The following TFAP2D variants were observed in gnomAD, a reference collection of about 807,000 sequenced individuals.
TFAP2D encodes the protein transcription factor AP-2 delta, also known as transcription factor AP-2-delta.
A neutral mutation model predicts 43.6 loss-of-function variants in TFAP2D; 9 were observed. The observed-to-expected ratio is 0.21, with a 90% CI of 0.12 to 0.36. The LOEUF is 0.36. TFAP2D is among the 10% of genes least tolerant of loss of function. TFAP2D has a pLI of 1.00. For missense variants in TFAP2D, 513 were observed against 561.4 expected (o/e 0.91, Z 0.87); for synonymous variants, 256 against 224.9 (o/e 1.14, Z -1.24).
intron 2 of TFAP2D, 132 bp downstream of exon 2, chr6:50,715,745 TCTCTCACACACACACACACA>T: frequency 5.0e-6 from 3 of 598,470 alleles, no homozygotes; most frequent in Non-Finnish European, 7.9e-6. Context: ...TCTCTCTCTC[TCTCTCACACACACACACACA>T]CACACACACA....
intron 3 of TFAP2D, among the ~76,000 whole-genome samples, chr6:50,723,291 G>T (rs1463272061): frequency 6.6e-6 from 1 of 152,222 alleles, no homozygotes; most frequent in Non-Finnish European, 1.5e-5. Context: ...CCTCAAGGCC[G>T]GCAGCAGGCT....
At chr6:50,723,337 G>C (rs1244642263) in intron 3 of TFAP2D, among the ~76,000 whole-genome samples, 1 of 152,224 alleles carries the variant, frequency 6.6e-6, no homozygotes, top group African/African-American at 2.4e-5. Flanking sequence ...CTGCTTCTCT[G>C]GGTTTCAGGA....
Position 50,715,525 on chromosome 6 carries a change from A to T in TFAP2D, c.449A>T (p.His150Leu). Residue 150 changes from histidine to leucine, a missense_variant, in exon 2 of 8, where the codon CAT becomes CTT. Physicochemically the swap from His to Leu is moderately conservative, Grantham distance 99. This residue lies in a region of TFAP2D where 311 missense variants were observed against 316.2 expected (regional missense o/e 0.98). Transcript: ENST00000008391. ...CGCCATGACCTGTCCCTCATGAGCC[A>T]TGGCTCTCAGTATGGAATGCACCCA... ...YRRHDLSLMS[H>L]GSQYGMHPDQ... The T allele has an allele frequency of 6.2e-7, 1 of 1,612,798 alleles. No individual in the cohort carries two copies. The highest frequency in any genetic ancestry group is 8.5e-7 in the Non-Finnish European group (1 of 1,180,026).
intron 3 of TFAP2D, among the ~76,000 whole-genome samples, chr6:50,726,984 T>C (rs9381890): frequency 0.26 from 39,918 of 152,118 alleles, 5,687 homozygotes; most frequent in East Asian, 0.45. Context: ...GGATTTTAAT[T>C]TGACGATTGA....
chr6:50,714,280 A>T (rs965376977), intron 1 of TFAP2D, among the ~76,000 whole-genome samples, 186 bp downstream of exon 1: 6 of 151,964 alleles, frequency 3.9e-5, no homozygotes, highest in Non-Finnish European at 7.4e-5. Context: ...TCGTTATGAC[A>T]TCTGTCGCCA....
At chr6:50,738,383 TTTA>T (rs1226223484) in intron 5 of TFAP2D, among the ~76,000 whole-genome samples, 1 of 152,086 alleles carries the variant, frequency 6.6e-6, no homozygotes, top group Non-Finnish European at 1.5e-5. Context: ...GCAGAACTTT[TTTA>T]CATTAATATA....
chr6:50,736,485 CTT>C lies in TFAP2D; in HGVS notation c.883+7174_883+7175del, dbSNP rs143162866. On this transcript the variant is annotated intron_variant, in intron 5 of 7. Transcript: ENST00000008391. ...CTTATTGTTATCTATTATCTAAAAA[CTT>C]AACATTTATCAGTATTCAAAAATTG... Among the ~76,000 whole-genome samples the C allele has an allele frequency of 1.5e-3, 221 of 152,218 alleles. 5 individuals are homozygous for C. The East Asian group carries it at 0.041, about 28-fold the overall frequency.
intron 7 of TFAP2D, among the ~76,000 whole-genome samples, chr6:50,765,712 G>GT (rs367904810): frequency 0.019 from 2,773 of 147,116 alleles, 34 homozygotes; most frequent in Middle Eastern, 0.045. Context: ...CAGGTTATTT[G>GT]TTTTTTTTTT....
At chr6:50,721,447 A>T (rs1427930674) in intron 3 of TFAP2D, among the ~76,000 whole-genome samples, 1 of 152,204 alleles carries the variant, frequency 6.6e-6, no homozygotes, top group Non-Finnish European at 1.5e-5. Context: ...ATCAATGTTC[A>T]TGTCAATTTA....
intron 2 of TFAP2D, among the ~76,000 whole-genome samples, chr6:50,717,542 C>T (rs1246605293): frequency 6.6e-6 from 1 of 152,122 alleles, no homozygotes; most frequent in Non-Finnish European, 1.5e-5. Context: ...TACGAATGTC[C>T]TTTTTCTCTT....
At chr6:50,725,858 C>A (rs998302424) in intron 3 of TFAP2D, among the ~76,000 whole-genome samples, 5 of 152,108 alleles carry the variant, frequency 3.3e-5, no homozygotes, top group African/African-American at 1.2e-4. Context: ...CTACAAGTTG[C>A]CAAATCTTTA....
At chr6:50,722,827 G>A (rs894173683) in intron 3 of TFAP2D, among the ~76,000 whole-genome samples, 1 of 151,752 alleles carries the variant, frequency 6.6e-6, no homozygotes, top group African/African-American at 2.4e-5. Context: ...GGGGGCGGGG[G>A]ATGGGAGAGG....
intron 7 of TFAP2D, among the ~76,000 whole-genome samples, chr6:50,767,097 T>C (rs1212185967): frequency 6.6e-6 from 1 of 152,242 alleles, no homozygotes; most frequent in Non-Finnish European, 1.5e-5. Flanking sequence ...GTCTTCAGGA[T>C]TTTCTAAAAT....
intron 3 of TFAP2D, among the ~76,000 whole-genome samples, chr6:50,722,678 G>A (rs537637487): frequency 6.6e-6 from 1 of 152,160 alleles, no homozygotes; most frequent in African/African-American, 2.4e-5. Context: ...GGAATCGCAG[G>A]GTGGGGGTAC....
chr6:50,770,163 C>A lies in TFAP2D; in HGVS notation c.1140-2482C>A, dbSNP rs1044194999. The stretch of plus-strand genomic sequence containing the variant: ...TTTGTGGGTATCACCATGATTAATT[C>A]TTCCACCACTCCAACAATTCCATTT... On this transcript the variant is annotated intron_variant, in intron 7 of 7. Coordinates refer to ENST00000008391, the MANE Select transcript of TFAP2D (RefSeq NM_172238.4). 3.3e-5 allele frequency among the ~76,000 whole-genome samples: 5 copies of A among 152,164 alleles called. No individual in the cohort carries two copies. The East Asian group carries it at 9.6e-4, about 29-fold the overall frequency.
At chr6:50,731,162 T>C (rs545466156) in intron 5 of TFAP2D, among the ~76,000 whole-genome samples, 1 of 152,194 alleles carries the variant, frequency 6.6e-6, no homozygotes, top group African/African-American at 2.4e-5. Flanking sequence ...TCTTTCTGCA[T>C]ACCTCTCCTA....
chr6:50,728,870 G>T lies in TFAP2D; in HGVS notation c.613G>T (p.Val205Phe), dbSNP rs751663222. The T allele has an allele frequency of 1.5e-5, 24 of 1,613,772 alleles. No individual in the cohort carries two copies. The East Asian group carries it at 4.7e-4, about 31-fold the overall frequency. The change falls in exon 4 of 8, where the codon GTC becomes TTC. Residue 205 changes from valine (V) to phenylalanine (F), a missense_variant. By Grantham distance (50) the Val-to-Phe change is conservative. This residue lies in a region of TFAP2D where 311 missense variants were observed against 316.2 expected (regional missense o/e 0.98). Transcript: ENST00000008391. ...TTTCTCCCAAGGTGGCACCTGTGTG[G>T]TCAACCCCACAGACTTATTTTGCTC... is the stretch of plus-strand genomic sequence containing the variant. ...GVIRRGGTCVVNPTDLFCSVP... is the reference protein window; with the variant it reads ...GVIRRGGTCVFNPTDLFCSVP...
chr6:50,731,569 AT>A (rs548152639), intron 5 of TFAP2D, among the ~76,000 whole-genome samples: 2 of 151,996 alleles, frequency 1.3e-5, no homozygotes, highest in South Asian at 4.1e-4. Context: ...CACTACATTT[AT>A]TTCACAACTC....
At chr6:50,714,152 CGGTGGCGGCGGT>C in intron 1 of TFAP2D, 58 bp downstream of exon 1, 2 of 1,494,884 alleles carry the variant, frequency 1.3e-6, no homozygotes, top group Admixed American at 2.0e-5. Flanking sequence ...GCGGCGGCGG[CGGTGGCGGCGGT>C]GGCGGCGGCG....
Sources: allele counts gnomAD v4.1 joint callset (sites outside exome capture counted in the v4.1 genomes callset), GRCh38; gene constraint gnomAD v4.1.1; regional missense constraint gnomAD v4.1.1; transcripts MANE v1.5; gene names NCBI Gene and HGNC (gene_info 2026-07-23, HGNC 2026-07-21).